Variants in METTL15 observed in about 807,000 individuals in gnomAD.
METTL15 encodes the protein methyltransferase 15, mitochondrial 12S rRNA N4-cytidine.
In METTL15, 34 loss-of-function variants were observed where a neutral mutation model predicts 38.3. The ratio of observed to expected loss-of-function variants is 0.89; its 90% confidence interval spans 0.68 to 1.18. The LOEUF (loss-of-function observed/expected upper bound fraction) is 1.18, where lower values mean the gene tolerates loss of function less well. Among genes scored for constraint, METTL15 ranks in the 50% most tolerant of loss-of-function variants. METTL15 has a pLI of 0.00. For synonymous variants in METTL15, 162 were observed against 170.9 expected, an observed-to-expected ratio of 0.95 and a Z score of 0.41; for missense variants, 438 against 498.4, an observed-to-expected ratio of 0.88 and a Z score of 1.15.
intron 6 of METTL15, among the ~76,000 whole-genome samples, chr11:28,439,789 A>G (rs1348886460): frequency 6.6e-6 from 1 of 152,180 alleles, no homozygotes; most frequent in Non-Finnish European, 1.5e-5. Flanking sequence ...ATTGTTAAGT[A>G]CTTTCAGCCT....
intron 4 of METTL15, among the ~76,000 whole-genome samples, chr11:28,237,916 C>T (rs529873706): frequency 5.9e-5 from 9 of 152,222 alleles, no homozygotes; most frequent in East Asian, 5.8e-4. Context: ...TGCAGAACCG[C>T]GGATTTTCGT....
chr11:28,246,386 C>G (rs968697005), intron 4 of METTL15, among the ~76,000 whole-genome samples: 1 of 151,956 alleles, frequency 6.6e-6, no homozygotes, highest in African/African-American at 2.4e-5. Context: ...GACATATGTA[C>G]TTATTAGGCC....
At chr11:28,305,751 A>C (rs1374120813) in intron 6 of METTL15, among the ~76,000 whole-genome samples, 1 of 152,128 alleles carries the variant, frequency 6.6e-6, no homozygotes, top group Non-Finnish European at 1.5e-5. Context: ...ACCCAGAAAA[A>C]AGAGAAATTT....
chr11:28,274,080 G>A (rs980155143), intron 4 of METTL15, among the ~76,000 whole-genome samples: 9 of 151,954 alleles, frequency 5.9e-5, no homozygotes, highest in African/African-American at 2.2e-4. Context: ...GGAAGGCACA[G>A]AAAAACCCTT....
chr11:28,499,552 C>T (rs1175647414), intron 6 of METTL15, among the ~76,000 whole-genome samples: 1 of 152,156 alleles, frequency 6.6e-6, no homozygotes, highest in Non-Finnish European at 1.5e-5. Flanking sequence ...AAACTGTAGC[C>T]AATCTGAGAT....
At chr11:28,205,308 C>G in intron 3 of METTL15, among the ~76,000 whole-genome samples, 1 of 150,006 alleles carries the variant, frequency 6.7e-6, no homozygotes, top group African/African-American at 2.5e-5. Context: ...TTCCTGTGTC[C>G]ATGTGTTCTC....
chr11:28,378,761 G>GTTTTTT (rs61227879), intron 5 of METTL15, among the ~76,000 whole-genome samples: 18 of 123,910 alleles, frequency 1.5e-4, no homozygotes, highest in African/African-American at 2.8e-4. Flanking sequence ...CTCCTCTTCA[G>GTTTTTT]TTTTTTTTTT....
intron 3 of METTL15, among the ~76,000 whole-genome samples, chr11:28,158,037 G>A (rs1050935697): frequency 2.0e-5 from 3 of 152,170 alleles, no homozygotes; most frequent in Non-Finnish European, 4.4e-5. Flanking sequence ...AGTGGAAGGA[G>A]AAATGACCAG....
intron 6 of METTL15, among the ~76,000 whole-genome samples, chr11:28,314,956 C>T (rs923431639): frequency 2.0e-5 from 3 of 152,222 alleles, no homozygotes; most frequent in African/African-American, 7.2e-5. Flanking sequence ...GAGGCTTCCG[C>T]AGCCATGTGG....
chr11:28,199,286 C>T (rs574975985), intron 3 of METTL15, among the ~76,000 whole-genome samples: 1 of 152,234 alleles, frequency 6.6e-6, no homozygotes, highest in African/African-American at 2.4e-5. Flanking sequence ...CTTGATCTTA[C>T]TGTGGATTAA....
intron 5 of METTL15, among the ~76,000 whole-genome samples, chr11:28,386,208 C>A (rs1227493001): frequency 1.3e-5 from 2 of 151,702 alleles, no homozygotes; most frequent in Non-Finnish European, 2.9e-5. Flanking sequence ...GACAAAATAA[C>A]AAGTTATAAA....
At chr11:28,346,539 T>C (rs537392181) in intron 3 of METTL15, among the ~76,000 whole-genome samples, 36 of 152,194 alleles carry the variant, frequency 2.4e-4, no homozygotes, top group Non-Finnish European at 4.9e-4. Flanking sequence ...TAATGGGGTT[T>C]AGAAAATTTG....
At chr11:28,123,427 G>A (rs1476939441) in intron 3 of METTL15, among the ~76,000 whole-genome samples, 21 of 151,998 alleles carry the variant, frequency 1.4e-4, no homozygotes. Flanking sequence ...CTGAGCTGAG[G>A]TGTAAGTAGC....
At chr11:28,452,985 T>G (rs1183171944) in intron 6 of METTL15, among the ~76,000 whole-genome samples, 1 of 152,194 alleles carries the variant, frequency 6.6e-6, no homozygotes, top group African/African-American at 2.4e-5. Flanking sequence ...TGTCATAGAT[T>G]CTCTAATCTT....
At chr11:28,330,272 C>T in intron 6 of METTL15, 124 bp from the exon 7 acceptor site, 5 of 873,864 alleles carry the variant, frequency 5.7e-6, no homozygotes, top group Non-Finnish European at 8.5e-6. Flanking sequence ...TGAAGTGCCA[C>T]CACAATTTTC....
At chr11:28,175,511 A>G (rs535846022) in intron 3 of METTL15, among the ~76,000 whole-genome samples, 1 of 152,314 alleles carries the variant, frequency 6.6e-6, no homozygotes, top group East Asian at 1.9e-4. Flanking sequence ...TAGATCCCTG[A>G]GGAATCGCCA....
chr11:28,375,886 C>G (rs1850305207), intron 5 of METTL15, among the ~76,000 whole-genome samples: 1 of 151,368 alleles, frequency 6.6e-6, no homozygotes, highest in Non-Finnish European at 1.5e-5. Flanking sequence ...TCGTTGGTTT[C>G]AAAGAACATC....
chr11:28,121,273 T>C (rs1004309020), intron 3 of METTL15, among the ~76,000 whole-genome samples: 10 of 152,180 alleles, frequency 6.6e-5, no homozygotes. Context: ...AGTATAGTGC[T>C]TGACTCTTAG....
chr11:28,492,493 G>T (rs1390675017), intron 6 of METTL15, among the ~76,000 whole-genome samples: 1 of 149,680 alleles, frequency 6.7e-6, no homozygotes, highest in Admixed American at 6.8e-5. Flanking sequence ...GTCAGAAATT[G>T]ATAAATTTTA....
Sources: gnomAD v4.1 joint callset for allele counts (sites outside exome capture counted in the v4.1 genomes callset) on GRCh38, gnomAD v4.1.1 for gene constraint, MANE v1.5 for transcripts, NCBI Gene and HGNC (gene_info 2026-07-23, HGNC 2026-07-21) for gene names.